Variants in UBE2U observed in about 807,000 individuals in gnomAD.
The protein encoded by UBE2U is ubiquitin conjugating enzyme E2 U, also known as ubiquitin-conjugating enzyme E2 U.
A neutral mutation model predicts 41.2 loss-of-function variants in UBE2U; 39 were observed. The ratio of observed to expected loss-of-function variants is 0.95; its 90% CI spans 0.73 to 1.24. The LOEUF (loss-of-function observed/expected upper bound fraction) is 1.24. Among genes scored for constraint, UBE2U ranks in the 50% most tolerant of loss-of-function variants. The pLI, the probability that UBE2U is intolerant of heterozygous loss-of-function variation, is 0.00. For synonymous variants in UBE2U, 107 were observed against 117.8 expected (o/e 0.91, Z 0.60); for missense variants, 336 against 363.1 (o/e 0.93, Z 0.61).
At position 64,232,223 on chromosome 1, in the gene UBE2U, A is replaced by G. The variant is rs531028848; in HGVS notation, c.507-338A>G. Among the ~76,000 whole-genome samples, 18 of 152,350 alleles carry G rather than the reference A, an allele frequency of 1.2e-4. No individual in the cohort carries two copies. In the East Asian group the frequency reaches 3.5e-3, roughly 29 times the overall value. ...TTTATTGTTTCTTATAGAATGAGAA[A>G]TTGACAGGTATAACGCTTTGCTTAG... On this transcript the variant is annotated intron_variant, in intron 6 of 9. Transcript: ENST00000371077.
At chr1:64,211,225 C>T (rs1396500562) in intron 4 of UBE2U, among the ~76,000 whole-genome samples, 1 of 152,132 alleles carries the variant, frequency 6.6e-6, no homozygotes, top group Non-Finnish European at 1.5e-5. Flanking sequence ...AGAGGTGGAT[C>T]GAATGACTAC....
chr1:64,222,019 A>G (rs542103197), intron 6 of UBE2U, among the ~76,000 whole-genome samples: 4 of 149,284 alleles, frequency 2.7e-5, no homozygotes, highest in African/African-American at 5.0e-5. Context: ...CCCAGGAGGC[A>G]GAGCTTGCAG....
At chr1:64,259,214 GGGCATTACCCC>G (rs1209021496) in intron 8 of UBE2U, among the ~76,000 whole-genome samples, 2 of 152,062 alleles carry the variant, frequency 1.3e-5, no homozygotes, top group Non-Finnish European at 2.9e-5. Context: ...TGTAGATTCT[GGGCATTACCCC>G]TTTGTCAGAT....
At chr1:64,251,054 A>G (rs1275662014) in intron 8 of UBE2U, among the ~76,000 whole-genome samples, 1 of 151,988 alleles carries the variant, frequency 6.6e-6, no homozygotes, top group Non-Finnish European at 1.5e-5. Flanking sequence ...CCTAAAACTT[A>G]AAGTATAATA....
At chr1:64,212,323 C>A (rs900135879) in intron 4 of UBE2U, among the ~76,000 whole-genome samples, 3 of 152,112 alleles carry the variant, frequency 2.0e-5, no homozygotes, top group Non-Finnish European at 4.4e-5. Flanking sequence ...AAGGGCAAAC[C>A]AGAATGAACT....
At chr1:64,226,282 G>A (rs1274597304) in intron 6 of UBE2U, among the ~76,000 whole-genome samples, 1 of 152,186 alleles carries the variant, frequency 6.6e-6, no homozygotes, top group Non-Finnish European at 1.5e-5. Flanking sequence ...TACATACTAT[G>A]TGATTCAATT....
Position 64,260,666 on chromosome 1 carries a change from G to A in UBE2U, c.741G>A (p.Met247Ile), listed in dbSNP as rs1364368566. The change falls in exon 9 of 10, where the codon ATG (methionine) becomes ATA (isoleucine). Residue 247 changes from methionine to isoleucine, a missense_variant. Met to Ile is a conservative substitution (Grantham distance 10). Coordinates refer to ENST00000371077, the MANE Select transcript of UBE2U (RefSeq NM_001366232.2). ...TGCCTCATGAAGTCACTCACTCAAT[G>A]GAAGAAATTAAGCTCTGCCCAACTC... ...KRMPHEVTHS[M>I]EEIKLCPTLN... 6 of 1,549,492 alleles carry A rather than the reference G, an allele frequency of 3.9e-6. No homozygotes were observed. The highest frequency in any genetic ancestry group is 5.2e-6 in the Non-Finnish European group (6 of 1,146,620).
chr1:64,239,086 G>GGAA (rs1491543105), intron 7 of UBE2U, among the ~76,000 whole-genome samples: 2 of 44,176 alleles, frequency 4.5e-5, no homozygotes, highest in East Asian at 1.1e-3. Context: ...AAGAGGAAGA[G>GGAA]GAAGAGGAAG....
rs1557730443 is a variant in UBE2U, at chr1:64,239,137, A to AAGAGGAAGAG, written c.596-2515_596-2514insAGAGGAAGAG. 2.5e-4 allele frequency among the ~76,000 whole-genome samples: 7 copies of AAGAGGAAGAG among 28,454 alleles called. 1 individual carries two copies. Among genetic ancestry groups the AAGAGGAAGAG allele is most frequent in the African/African-American group, 1.2e-3 (7 of 5,894 alleles). 18.7% of individuals were successfully genotyped at this position (28,454 alleles called of 152,430 possible). A position where few individuals can be genotyped will look rare whatever the true frequency, so the allele number is the denominator to read the frequency against. ...AAGAAGAAGAAGAAGAAGAAGAAGA[A>AAGAGGAAGAG]GAAGAAGAAGAAGAAGAAGAAAGAA... On this transcript the variant is annotated intron_variant, in intron 7 of 9. Coordinates refer to ENST00000371077, the MANE Select transcript of UBE2U (RefSeq NM_001366232.2).
chr1:64,229,342 G>C (rs181227175), intron 6 of UBE2U, among the ~76,000 whole-genome samples: 2 of 152,274 alleles, frequency 1.3e-5, no homozygotes, highest in African/African-American at 4.8e-5. Context: ...GAGTTAATAG[G>C]AGAGAAATGA....
At chr1:64,240,661 T>C (rs1644819987) in intron 7 of UBE2U, among the ~76,000 whole-genome samples, 1 of 152,270 alleles carries the variant, frequency 6.6e-6, no homozygotes, top group Non-Finnish European at 1.5e-5. Flanking sequence ...CTTGAAGTGC[T>C]GAATTAGAAT....
chr1:64,247,303 A>G (rs183907662), intron 8 of UBE2U, among the ~76,000 whole-genome samples: 8 of 152,282 alleles, frequency 5.3e-5, no homozygotes, highest in African/African-American at 1.4e-4. Flanking sequence ...CCCCTACTAT[A>G]AACACCATGG....
rs534260463 is a variant in UBE2U, at chr1:64,235,018, C to G, written c.595+2369C>G. Among the ~76,000 whole-genome samples, 9 of 152,134 alleles carry G rather than the reference C, an allele frequency of 5.9e-5. No homozygotes were observed. In the East Asian group the frequency reaches 1.7e-3, roughly 29 times the overall value. On this transcript the variant is annotated intron_variant, in intron 7 of 9. Coordinates refer to ENST00000371077, the MANE Select transcript of UBE2U (RefSeq NM_001366232.2). ...AAATATATAGGGCCACTTGGAAACTCCAAACTGCTAGAGGAAAAAAAAATA... is the reference window on the plus strand; with the variant it reads ...AAATATATAGGGCCACTTGGAAACTGCAAACTGCTAGAGGAAAAAAAAATA...
chr1:64,266,869 C>T (rs1645262397), intron 9 of UBE2U, 155 bp from the exon 10 acceptor site: 2 of 657,296 alleles, frequency 3.0e-6, no homozygotes, highest in South Asian at 4.5e-5. Context: ...AATAAAGTTA[C>T]TTACAAAACA....
intron 8 of UBE2U, among the ~76,000 whole-genome samples, chr1:64,256,686 T>C (rs1224400848): frequency 6.6e-6 from 1 of 151,968 alleles, no homozygotes; most frequent in Non-Finnish European, 1.5e-5. Context: ...ATCTAGGCAA[T>C]ACCATTCAGG....
intron 6 of UBE2U, among the ~76,000 whole-genome samples, chr1:64,222,762 T>TGTTA (rs1200298354): frequency 3.9e-5 from 6 of 152,370 alleles, no homozygotes; most frequent in African/African-American, 1.4e-4. Context: ...AAGATGCTGC[T>TGTTA]GTTAATATTG....
intron 5 of UBE2U, among the ~76,000 whole-genome samples, chr1:64,218,613 C>CT (rs1652193100): frequency 6.6e-6 from 1 of 152,094 alleles, no homozygotes; most frequent in South Asian, 2.1e-4. Context: ...TATTTCTAGG[C>CT]TTTTCGGTTT....
chr1:64,258,774 A>G (rs1453930346), intron 8 of UBE2U, among the ~76,000 whole-genome samples: 3 of 152,230 alleles, frequency 2.0e-5, no homozygotes, highest in South Asian at 2.1e-4. Context: ...TAGTGCCACA[A>G]TAAACATATG....
Position 64,267,039 on chromosome 1 carries a change from A to G in UBE2U, c.785A>G (p.Glu262Gly). 1 of 1,547,952 alleles carries G rather than the reference A, an allele frequency of 6.5e-7. No homozygotes were observed. Among genetic ancestry groups the G allele is most frequent in the Admixed American group, 2.0e-5 (1 of 50,426 alleles). ...LCPTLNEIFL[E>G]SPTAINSITD... ...CCCACCACAGATGAAATTTTTCTTG[A>G]GTCACCAACTGCAATAAATAGCATC... is the stretch of plus-strand genomic sequence containing the variant. The change falls in exon 10 of 10, where the codon GAG becomes GGG. Residue 262 changes from glutamate (E) to glycine (G), a missense_variant. Coordinates refer to ENST00000371077, the MANE Select transcript of UBE2U (RefSeq NM_001366232.2).
Sources: allele counts gnomAD v4.1 joint callset (sites outside exome capture counted in the v4.1 genomes callset), GRCh38; gene constraint gnomAD v4.1.1; transcripts MANE v1.5; gene names NCBI Gene and HGNC (gene_info 2026-07-23, HGNC 2026-07-21).